TBC1D5: variants seen among roughly 807,000 people sequenced by gnomAD.
TBC1D5 encodes the protein TBC1 domain family, member 5.
A neutral mutation model predicts 100.3 loss-of-function variants in TBC1D5; 75 were observed. The observed-to-expected ratio is 0.75, with a 90% CI of 0.62 to 0.91. The LOEUF (loss-of-function observed/expected upper bound fraction) is 0.91. Ranked by LOEUF, TBC1D5 falls within the 40% of genes least tolerant of loss-of-function variation. The pLI is 0.00. For synonymous variants in TBC1D5, 323 were observed against 325.6 expected, an observed-to-expected ratio of 0.99 and a Z score of 0.09; for missense variants, 910 against 942.4, an observed-to-expected ratio of 0.97 and a Z score of 0.45.
chr3:17,409,867 C>T (rs750290113), intron 4 of TBC1D5, among the ~76,000 whole-genome samples: 1 of 152,124 alleles, frequency 6.6e-6, no homozygotes, highest in Non-Finnish European at 1.5e-5. Context: ...AAGCCATCTC[C>T]ATAACATAAA....
chr3:17,436,329 T>C (rs556864015), intron 3 of TBC1D5, among the ~76,000 whole-genome samples: 45 of 152,302 alleles, frequency 3.0e-4, no homozygotes, highest in African/African-American at 1.1e-3. Flanking sequence ...TATAGTACAA[T>C]GTAAGTCCTC....
At chr3:17,614,821 A>T (rs781523929) in intron 2 of TBC1D5, among the ~76,000 whole-genome samples, 1 of 152,190 alleles carries the variant, frequency 6.6e-6, no homozygotes, top group Admixed American at 6.5e-5. Context: ...CAATCATGTC[A>T]TCTGCAAACT....
exon 1 of TBC1D5, chr3:17,740,472 AAAGTTATTTAG>A (rs1349367465): frequency 6.6e-6 from 1 of 152,252 alleles, no homozygotes; most frequent in Non-Finnish European, 1.5e-5. Context: ...AAACTTCCAC[AAAGTTATTTAG>A]AAGTACAACC....
chr3:17,181,814 C>A (rs1280936346), intron 19 of TBC1D5, among the ~76,000 whole-genome samples: 1 of 152,150 alleles, frequency 6.6e-6, no homozygotes, highest in African/African-American at 2.4e-5. Context: ...TATTTTCAGG[C>A]CAAATATATA....
intron 8 of TBC1D5, among the ~76,000 whole-genome samples, chr3:17,387,940 T>A (rs1002819397): frequency 6.6e-6 from 1 of 151,732 alleles, no homozygotes; most frequent in Non-Finnish European, 1.5e-5. Flanking sequence ...AGGAAAAAAA[T>A]CACATTAAGT....
At chr3:17,389,964 A>C (rs1302745751) in intron 8 of TBC1D5, among the ~76,000 whole-genome samples, 4 of 152,100 alleles carry the variant, frequency 2.6e-5, no homozygotes, top group Non-Finnish European at 5.9e-5. Context: ...AAAATCCTTC[A>C]TCAATTTTTA....
intron 16 of TBC1D5, among the ~76,000 whole-genome samples, chr3:17,250,247 C>T (rs1352520319): frequency 6.6e-6 from 1 of 152,246 alleles, no homozygotes; most frequent in East Asian, 1.9e-4. Flanking sequence ...TCTCTCTGCA[C>T]TGCCAATACC....
rs187496382 is a variant in TBC1D5 at position 17,568,087 on chromosome 3, G to A, written c.-36+55762C>T. Among the ~76,000 whole-genome samples the A allele has an allele frequency of 3.5e-3, 533 of 151,636 alleles. 5 individuals are homozygous for A. Among genetic ancestry groups the A allele is most frequent in the African/African-American group, 0.012 (505 of 41,494 alleles). ...TCTAGCAAGCATTTAGAATGGCAAC[G>A]TAAAAGGTGAACACCCTCCTACCTT... On this transcript the variant is annotated intron_variant, in intron 2 of 21. Coordinates refer to ENST00000253692, the Ensembl canonical transcript of TBC1D5.
rs2062229815 is a variant in TBC1D5, at chr3:17,617,043, GT to G, written c.-36+6805del. Reference sequence around the variant, plus strand: ...TGCTCATATCGTTGTTTCTTTCCATGTTTACTGCTTCCTTCAGGAGCTCGCT... The same window carrying G: ...TGCTCATATCGTTGTTTCTTTCCATGTTACTGCTTCCTTCAGGAGCTCGCT... On this transcript the variant is annotated intron_variant, in intron 2 of 21. Coordinates refer to ENST00000253692, the Ensembl canonical transcript of TBC1D5. 2.6e-5 allele frequency among the ~76,000 whole-genome samples: 4 copies of G among 152,248 alleles called. No homozygotes were observed. The South Asian group carries it at 8.3e-4, about 32-fold the overall frequency.
chr3:17,483,634 T>C (rs1045099895), intron 3 of TBC1D5, among the ~76,000 whole-genome samples: 5 of 152,160 alleles, frequency 3.3e-5, no homozygotes, highest in Non-Finnish European at 7.4e-5. Flanking sequence ...GAACTGTATA[T>C]TATTAAAAGT....
chr3:17,613,734 T>C (rs1208979011), intron 2 of TBC1D5, among the ~76,000 whole-genome samples: 2 of 152,194 alleles, frequency 1.3e-5, no homozygotes, highest in African/African-American at 4.8e-5. Flanking sequence ...GATTTGGTTG[T>C]TTGGTTTTCT....
At chr3:17,160,293 A>AT (rs1187413329) in exon 22 of TBC1D5, 1 of 152,194 alleles carries the variant, frequency 6.6e-6, no homozygotes, top group East Asian at 1.9e-4. Flanking sequence ...ATCTAACACT[A>AT]TATCACACCT....
chr3:17,551,817 G>C (rs1341957775), intron 2 of TBC1D5, among the ~76,000 whole-genome samples: 1 of 152,062 alleles, frequency 6.6e-6, no homozygotes, highest in African/African-American at 2.4e-5. Context: ...TTTAAATACT[G>C]AACAGTGATC....
chr3:17,173,238 G>T (rs1047647678), intron 19 of TBC1D5, among the ~76,000 whole-genome samples: 1 of 152,184 alleles, frequency 6.6e-6, no homozygotes, highest in African/African-American at 2.4e-5. Flanking sequence ...TTAGATTTCA[G>T]ATCTTTCAGA....
At chr3:17,292,938 G>T (rs942846935) in intron 14 of TBC1D5, among the ~76,000 whole-genome samples, 3 of 152,162 alleles carry the variant, frequency 2.0e-5, no homozygotes, top group Non-Finnish European at 4.4e-5. Context: ...TTTATAATTA[G>T]AAATATCTTT....
chr3:17,317,618 AT>A (rs1039828967), intron 13 of TBC1D5, among the ~76,000 whole-genome samples: 9 of 152,198 alleles, frequency 5.9e-5, no homozygotes, highest in South Asian at 2.1e-4. Flanking sequence ...TGTATATAAT[AT>A]TTTTTTAAGG....
chr3:17,180,427 C>T (rs920102992), intron 19 of TBC1D5, among the ~76,000 whole-genome samples: 1 of 152,170 alleles, frequency 6.6e-6, no homozygotes, highest in Non-Finnish European at 1.5e-5. Flanking sequence ...GTTATAAAAA[C>T]AGCCTTAAAT....
chr3:17,205,308 G>C (rs1423176475), intron 18 of TBC1D5, among the ~76,000 whole-genome samples: 3 of 152,068 alleles, frequency 2.0e-5, no homozygotes, highest in Admixed American at 2.0e-4. Flanking sequence ...AGCTCATAAA[G>C]AAATCCACTG....
At chr3:17,427,328 C>G (rs1274062004) in intron 4 of TBC1D5, among the ~76,000 whole-genome samples, 1 of 151,874 alleles carries the variant, frequency 6.6e-6, no homozygotes, top group Non-Finnish European at 1.5e-5. Context: ...TTTCAATTAC[C>G]ATCTCATTTC....
Sources: gnomAD v4.1 joint callset for allele counts (sites outside exome capture counted in the v4.1 genomes callset) on GRCh38, gnomAD v4.1.1 for gene constraint, MANE v1.5 for transcripts, NCBI Gene and HGNC (gene_info 2026-07-23, HGNC 2026-07-21) for gene names.